Variants in NSMCE2 observed in about 807,000 individuals in gnomAD.
NSMCE2 encodes the protein E3 SUMO-protein ligase NSE2.
A neutral mutation model predicts 23.8 loss-of-function variants in NSMCE2; 24 were observed. The ratio of observed to expected loss-of-function variants is 1.01; its 90% CI spans 0.73 to 1.42. The LOEUF is 1.42. NSMCE2 is among the 40% of genes most tolerant of loss of function. The pLI, the probability that NSMCE2 is intolerant of heterozygous loss-of-function variation, is 0.00. For missense variants in NSMCE2, 284 were observed against 296.5 expected, an observed-to-expected ratio of 0.96 and a Z score of 0.31; for synonymous variants, 92 against 94.1, an observed-to-expected ratio of 0.98 and a Z score of 0.13.
intron 5 of NSMCE2, among the ~76,000 whole-genome samples, chr8:125,244,276 A>C (rs141800944): frequency 1.1e-4 from 16 of 152,304 alleles, no homozygotes; most frequent in African/African-American, 3.4e-4. Context: ...AGAAAGTTCA[A>C]AGTTGAGCAG....
intron 5 of NSMCE2, among the ~76,000 whole-genome samples, chr8:125,341,377 CTCTT>C (rs1830237585): frequency 6.6e-6 from 1 of 152,204 alleles, no homozygotes; most frequent in Admixed American, 6.5e-5. Context: ...TTTTTCTTCT[CTCTT>C]TTTCTCCTTT....
At chr8:125,113,065 G>A (rs900134942) in intron 3 of NSMCE2, among the ~76,000 whole-genome samples, 1 of 139,408 alleles carries the variant, frequency 7.2e-6, no homozygotes, top group Non-Finnish European at 1.6e-5. Context: ...AATGGGGGGG[G>A]GGGTGAGTCA....
intron 3 of NSMCE2, among the ~76,000 whole-genome samples, chr8:125,129,631 G>T (rs1819663274): frequency 6.6e-6 from 1 of 151,308 alleles, no homozygotes; most frequent in African/African-American, 2.4e-5. Flanking sequence ...CTGGAATGAT[G>T]TCTGACTGGT....
At chr8:125,349,622 C>T (rs1003874794) in intron 5 of NSMCE2, among the ~76,000 whole-genome samples, 1 of 151,880 alleles carries the variant, frequency 6.6e-6, no homozygotes, top group Admixed American at 6.6e-5. Context: ...AAGAAATGTT[C>T]CAGCCTAATT....
intron 5 of NSMCE2, among the ~76,000 whole-genome samples, chr8:125,284,923 G>A (rs1255546436): frequency 2.0e-5 from 3 of 152,164 alleles, no homozygotes; most frequent in Admixed American, 2.0e-4. Flanking sequence ...GATAACACCT[G>A]TGTAATTTAT....
intron 5 of NSMCE2, among the ~76,000 whole-genome samples, chr8:125,297,199 A>G (rs1248200440): frequency 6.6e-6 from 1 of 152,180 alleles, no homozygotes; most frequent in African/African-American, 2.4e-5. Flanking sequence ...ATGTCTGAAT[A>G]TAATGTAACT....
At chr8:125,112,220 G>A (rs967774859) in intron 3 of NSMCE2, among the ~76,000 whole-genome samples, 1 of 152,210 alleles carries the variant, frequency 6.6e-6, no homozygotes, top group Admixed American at 6.5e-5. Context: ...TAATTATGCT[G>A]TATATAGTAC....
chr8:125,205,803 A>C (rs568612206), intron 5 of NSMCE2, among the ~76,000 whole-genome samples: 40 of 152,344 alleles, frequency 2.6e-4, no homozygotes, highest in Admixed American at 2.6e-3. Flanking sequence ...AAATACCAGT[A>C]TCGTACTTAA....
At chr8:125,123,455 C>G (rs1396663050) in intron 3 of NSMCE2, among the ~76,000 whole-genome samples, 1 of 152,202 alleles carries the variant, frequency 6.6e-6, no homozygotes, top group Non-Finnish European at 1.5e-5. Flanking sequence ...CTTAACAATC[C>G]TATGAAAATG....
chr8:125,336,640 G>A (rs1474859519), intron 5 of NSMCE2, among the ~76,000 whole-genome samples: 1 of 152,214 alleles, frequency 6.6e-6, no homozygotes, highest in East Asian at 1.9e-4. Context: ...TCACATGGTT[G>A]GGTTCACAGT....
chr8:125,299,023 G>T (rs10956238), intron 5 of NSMCE2, among the ~76,000 whole-genome samples: 76,946 of 151,996 alleles, frequency 0.51, 20,963 homozygotes, highest in East Asian at 0.61. Context: ...GCACATTTCA[G>T]GAATAGTTGA....
chr8:125,188,144 T>C (rs1823187158), intron 5 of NSMCE2, among the ~76,000 whole-genome samples: 1 of 152,334 alleles, frequency 6.6e-6, no homozygotes, highest in African/African-American at 2.4e-5. Flanking sequence ...GGAGCGGCCA[T>C]TCACTTTACA....
intron 5 of NSMCE2, among the ~76,000 whole-genome samples, chr8:125,238,305 A>T (rs888713161): frequency 6.6e-6 from 1 of 152,216 alleles, no homozygotes; most frequent in African/African-American, 2.4e-5. Context: ...CAGTCCCAAT[A>T]GCATTTCAAA....
chr8:125,359,817 G>A (rs1040022035), intron 7 of NSMCE2, among the ~76,000 whole-genome samples: 2 of 152,018 alleles, frequency 1.3e-5, no homozygotes, highest in Non-Finnish European at 1.5e-5. Flanking sequence ...CATCCTCTTC[G>A]TTTTTTTCCA....
chr8:125,194,171 G>A (rs139528356), intron 5 of NSMCE2, among the ~76,000 whole-genome samples: 86 of 152,226 alleles, frequency 5.6e-4, no homozygotes, highest in African/African-American at 1.9e-3. Flanking sequence ...TACGGATGAG[G>A]TTCTGCACAA....
chr8:125,339,012 T>A (rs953278675), intron 5 of NSMCE2, among the ~76,000 whole-genome samples: 3 of 152,202 alleles, frequency 2.0e-5, no homozygotes, highest in Admixed American at 2.0e-4. Context: ...CATCACAAGA[T>A]GTGCCTTACC....
At chr8:125,189,120 A>G (rs908392669) in intron 5 of NSMCE2, among the ~76,000 whole-genome samples, 1 of 152,268 alleles carries the variant, frequency 6.6e-6, no homozygotes, top group Non-Finnish European at 1.5e-5. Context: ...GTTGTTAGAA[A>G]TAGATAATCA....
At chr8:125,359,782 A>G (rs1303165466) in intron 7 of NSMCE2, among the ~76,000 whole-genome samples, 2 of 152,210 alleles carry the variant, frequency 1.3e-5, no homozygotes, top group Non-Finnish European at 2.9e-5. Flanking sequence ...TCCCATCATC[A>G]TCTTCAAACT....
intron 5 of NSMCE2, among the ~76,000 whole-genome samples, chr8:125,320,991 G>T (rs1322385915): frequency 6.6e-6 from 1 of 151,820 alleles, no homozygotes; most frequent in African/African-American, 2.4e-5. Flanking sequence ...AGAGAGAGGG[G>T]CTACGCACTT....
Sources: gnomAD v4.1 joint callset for allele counts (sites outside exome capture counted in the v4.1 genomes callset) on GRCh38, gnomAD v4.1.1 for gene constraint, MANE v1.5 for transcripts, NCBI Gene and HGNC (gene_info 2026-07-23, HGNC 2026-07-21) for gene names.